Variants in CCDC192 observed in about 807,000 individuals in gnomAD.
The protein encoded by CCDC192 is coiled-coil domain containing 192.
At chr5:127,763,293 G>T (rs143573527) in intron 3 of CCDC192, among the ~76,000 whole-genome samples, 4 of 152,240 alleles carry the variant, frequency 2.6e-5, no homozygotes, top group Non-Finnish European at 5.9e-5. Context: ...CCAGTGATCA[G>T]TGCCACCAGC....
At chr5:127,716,401 T>C (rs1472492937) in intron 2 of CCDC192, among the ~76,000 whole-genome samples, 1 of 152,192 alleles carries the variant, frequency 6.6e-6, no homozygotes, top group African/African-American at 2.4e-5. Context: ...GCTCACTTCA[T>C]AGACTGAGTT....
chr5:127,731,665 G>A (rs1752647348), intron 2 of CCDC192, among the ~76,000 whole-genome samples: 1 of 152,158 alleles, frequency 6.6e-6, no homozygotes, highest in Admixed American at 6.6e-5. Context: ...TACAAAAACA[G>A]ATACATAGAC....
At chr5:127,884,515 G>C (rs568116638) in intron 6 of CCDC192, among the ~76,000 whole-genome samples, 2 of 152,036 alleles carry the variant, frequency 1.3e-5, no homozygotes, top group South Asian at 4.2e-4. Flanking sequence ...CCCAACTCCA[G>C]GTAACAGAGC....
chr5:127,754,353 A>T lies in CCDC192; in HGVS notation c.200A>T (p.Lys67Met). Residue 67 changes from lysine to methionine, a missense_variant, in exon 3 of 7, where the codon AAG becomes ATG. Transcript: ENST00000514853. ...LEICLKEAEEKAKALSEQLSV... is the reference protein window; with the variant it reads ...LEICLKEAEEMAKALSEQLSV... Reference sequence around the variant, plus strand: ...ATTTGCCTGAAAGAAGCAGAAGAAAAGGCTAAAGCTTTATCTGAACAGGTA... The same window carrying T: ...ATTTGCCTGAAAGAAGCAGAAGAAATGGCTAAAGCTTTATCTGAACAGGTA... 5.0e-6 allele frequency: 2 copies of T among 398,884 alleles called. No individual in the cohort carries two copies. Among genetic ancestry groups the T allele is most frequent in the East Asian group, 7.1e-5 (2 of 28,066 alleles). The allele number at this position is 398,884 out of a possible 1,614,324, so 24.7% of individuals were successfully genotyped here. A position where few individuals can be genotyped will look rare whatever the true frequency, so the allele number is the denominator to read the frequency against.
intron 1 of CCDC192, among the ~76,000 whole-genome samples, chr5:127,704,269 A>G (rs796910782): frequency 1.0e-5 from 1 of 96,896 alleles, no homozygotes; most frequent in African/African-American, 4.0e-5. Flanking sequence ...GCTCACTGCA[A>G]CTTCTGCCTC....
intron 2 of CCDC192, among the ~76,000 whole-genome samples, chr5:127,740,497 T>C (rs1753348272): frequency 6.6e-6 from 1 of 152,202 alleles, no homozygotes; most frequent in African/African-American, 2.4e-5. Flanking sequence ...GGGTTTCTCA[T>C]GAAAAAGGTT....
chr5:127,799,473 G>A (rs1757363129), intron 5 of CCDC192, among the ~76,000 whole-genome samples: 1 of 152,038 alleles, frequency 6.6e-6, no homozygotes, highest in Non-Finnish European at 1.5e-5. Flanking sequence ...CTTTCCCCTG[G>A]TCTCCCCCTG....
chr5:127,890,251 C>G (rs572810898), intron 6 of CCDC192, among the ~76,000 whole-genome samples: 5 of 152,122 alleles, frequency 3.3e-5, no homozygotes, highest in Non-Finnish European at 1.5e-5. Flanking sequence ...GTGGTGCATG[C>G]TTGTAGTTTC....
At chr5:127,732,828 C>A (rs945727448) in intron 2 of CCDC192, among the ~76,000 whole-genome samples, 1 of 152,104 alleles carries the variant, frequency 6.6e-6, no homozygotes, top group African/African-American at 2.4e-5. Flanking sequence ...ATAACACACA[C>A]TGGGGCCTGC....
chr5:127,849,261 G>T (rs368919322), intron 5 of CCDC192, among the ~76,000 whole-genome samples: 95 of 152,190 alleles, frequency 6.2e-4, no homozygotes, highest in African/African-American at 2.2e-3. Flanking sequence ...AAAGGACATT[G>T]AATTTACTTG....
chr5:127,869,913 C>A (rs556107618), intron 5 of CCDC192, among the ~76,000 whole-genome samples: 1 of 151,828 alleles, frequency 6.6e-6, no homozygotes, highest in Non-Finnish European at 1.5e-5. Flanking sequence ...AAGGTGTTAG[C>A]TTTGATTTCC....
chr5:127,820,352 C>T (rs1262717397), intron 5 of CCDC192, among the ~76,000 whole-genome samples: 3 of 152,148 alleles, frequency 2.0e-5, no homozygotes, highest in East Asian at 1.9e-4. Context: ...GAGGCCGAGG[C>T]GGGTGGATCA....
In CCDC192 at chr5:127,888,392, G is replaced by A. The variant is rs140636730; in HGVS notation, c.535+12731G>A. Among the ~76,000 whole-genome samples the A allele has an allele frequency of 4.7e-3, 707 of 151,808 alleles. 6 individuals carry two copies. The highest frequency in any genetic ancestry group is 0.017 in the African/African-American group (691 of 41,392). ...GATTGCGCCACTGCACTCCAGCCTTGACAACAAAGTGAGACTCTGGCTCAA... is the reference window on the plus strand; with the variant it reads ...GATTGCGCCACTGCACTCCAGCCTTAACAACAAAGTGAGACTCTGGCTCAA... On this transcript the variant is annotated intron_variant, in intron 6 of 6. Coordinates refer to ENST00000514853, the MANE Select transcript of CCDC192 (RefSeq NM_001317938.2).
At chr5:127,764,420 A>G (rs1040552143) in intron 3 of CCDC192, among the ~76,000 whole-genome samples, 3 of 152,226 alleles carry the variant, frequency 2.0e-5, no homozygotes, top group Admixed American at 2.0e-4. Flanking sequence ...ACAGATCCCA[A>G]GTTTCAGGTG....
At chr5:127,844,538 T>G (rs1175630721) in intron 5 of CCDC192, among the ~76,000 whole-genome samples, 1 of 152,174 alleles carries the variant, frequency 6.6e-6, no homozygotes, top group Non-Finnish European at 1.5e-5. Flanking sequence ...CCCTGCCTTG[T>G]GAGGGTGTCT....
chr5:127,846,322 A>G (rs1399492919), intron 5 of CCDC192, among the ~76,000 whole-genome samples: 1 of 151,880 alleles, frequency 6.6e-6, no homozygotes, highest in Non-Finnish European at 1.5e-5. Context: ...AAATGAATGA[A>G]TACATGAAAC....
At chr5:127,832,859 C>G (rs1484287982) in intron 5 of CCDC192, among the ~76,000 whole-genome samples, 1 of 152,126 alleles carries the variant, frequency 6.6e-6, no homozygotes, top group East Asian at 1.9e-4. Context: ...GTCAGCAAGT[C>G]CTGTCTACTG....
At chr5:127,743,280 T>C (rs191738793) in intron 2 of CCDC192, among the ~76,000 whole-genome samples, 47 of 152,236 alleles carry the variant, frequency 3.1e-4, no homozygotes, top group Admixed American at 3.1e-3. Flanking sequence ...CAGGTCAAGA[T>C]AAGGCAAAGG....
rs1321842087 is a variant in CCDC192, at chr5:127,759,374, G to A, written c.222+4999G>A. ...TGGATGATAAGTTCTTGAGGGCACT[G>A]CCTCAGGAATGGGACTAGTGTCCTT... is the stretch of plus-strand genomic sequence containing the variant. On this transcript the variant is annotated intron_variant, in intron 3 of 6. Coordinates refer to ENST00000514853, the MANE Select transcript of CCDC192 (RefSeq NM_001317938.2). Among the ~76,000 whole-genome samples, 11 of 152,316 alleles carry A rather than the reference G, an allele frequency of 7.2e-5. No individual in the cohort carries two copies. The East Asian group carries it at 2.1e-3, about 29-fold the overall frequency.
Sources: allele counts gnomAD v4.1 joint callset (sites outside exome capture counted in the v4.1 genomes callset), GRCh38; gene constraint gnomAD v4.1.1; transcripts MANE v1.5; gene names NCBI Gene and HGNC (gene_info 2026-07-23, HGNC 2026-07-21).